The following ZNF503 variants were observed in gnomAD, a reference collection of about 807,000 sequenced individuals.
ZNF503 encodes NocA-like zinc finger 2.
Under a neutral mutation model 34.4 loss-of-function variants are expected in ZNF503, and 15 were observed. The ratio of observed to expected loss-of-function variants is 0.44; its 90% confidence interval spans 0.29 to 0.67. The LOEUF (loss-of-function observed/expected upper bound fraction) is 0.67. Among genes scored for constraint, ZNF503 ranks in the 30% least tolerant of loss-of-function variants. ZNF503 has a pLI of 0.13. For synonymous variants in ZNF503, 580 were observed against 456.8 expected, an observed-to-expected ratio of 1.27 and a Z score of -3.44; for missense variants, 1,007 against 926.8, an observed-to-expected ratio of 1.09 and a Z score of -1.12.
the ZNF503 span, among the ~76,000 whole-genome samples, chr10:75,280,709 A>G: frequency 6.6e-6 from 1 of 152,148 alleles, no homozygotes; most frequent in African/African-American, 2.4e-5. Flanking sequence ...GGTGCTTACA[A>G]TCTAGTGGGG....
the ZNF503 span, among the ~76,000 whole-genome samples, chr10:75,391,657 C>T: frequency 6.6e-6 from 1 of 152,204 alleles, no homozygotes; most frequent in Admixed American, 6.5e-5. Context: ...GCTACTTTTT[C>T]TCCTACCCTC....
the ZNF503 span, among the ~76,000 whole-genome samples, chr10:75,297,974 CATACCGTAAAAT>C: frequency 0.012 from 1,904 of 152,340 alleles, 42 homozygotes; most frequent in African/African-American, 0.044. Context: ...GTGAAACCTA[CATACCGTAAAAT>C]CATCCATTAT....
At chr10:75,322,923 A>G in the ZNF503 span, among the ~76,000 whole-genome samples, 2 of 152,020 alleles carry the variant, frequency 1.3e-5, no homozygotes, top group Non-Finnish European at 2.9e-5. Flanking sequence ...ATCCTGGTCG[A>G]TTTTTCAAAA....
At chr10:75,391,643 C>G in the ZNF503 span, among the ~76,000 whole-genome samples, 1 of 152,190 alleles carries the variant, frequency 6.6e-6, no homozygotes, top group African/African-American at 2.4e-5. Flanking sequence ...CCTCTAAGGC[C>G]ACTGCTACTT....
chr10:75,401,492 C>G lies in ZNF503; in HGVS notation c.-73G>C. ...CGCGGGGCGGGCTCGGGGCTGCGCG[C>G]TCGCCCCGGGAGCAGGAGCAGCGGG... On this transcript the variant is annotated 5_prime_UTR_variant, in exon 1 of 2. Transcript: ENST00000372524. The G allele has an allele frequency of 6.8e-7, 1 of 1,466,532 alleles. No homozygotes were observed. Among genetic ancestry groups the G allele is most frequent in the Non-Finnish European group, 9.0e-7 (1 of 1,113,916 alleles). The allele number at this position is 1,466,532 out of a possible 1,614,324, so 90.8% of individuals were successfully genotyped here. A position where few individuals can be genotyped will look rare whatever the true frequency, so the allele number is the denominator to read the frequency against.
the ZNF503 span, among the ~76,000 whole-genome samples, chr10:75,325,119 G>C: frequency 6.6e-6 from 1 of 152,076 alleles, no homozygotes; most frequent in Admixed American, 6.6e-5. Context: ...ATCTAGGAGT[G>C]TTGAGTTAAT....
the ZNF503 span, among the ~76,000 whole-genome samples, chr10:75,372,541 C>A: frequency 6.6e-6 from 1 of 152,212 alleles, no homozygotes; most frequent in African/African-American, 2.4e-5. Flanking sequence ...CGACTGTACC[C>A]CTAGGCTCAG....
chr10:75,398,547 T>G lies in ZNF503; in HGVS notation c.*202A>C. 1 of 415,082 alleles carries G rather than the reference T, an allele frequency of 2.4e-6. No homozygotes were observed. The highest frequency in any genetic ancestry group is 4.1e-6 in the Non-Finnish European group (1 of 242,798). The allele number at this position is 415,082 out of a possible 1,614,324, so 25.7% of individuals were successfully genotyped here. ...CTTTTATAAAGTTTGGGTGGGGAGG[T>G]GAAAGTGGGGAGAAGGGGAGTGTCC... is the stretch of plus-strand genomic sequence containing the variant. On this transcript the variant is annotated 3_prime_UTR_variant, in exon 2 of 2. Coordinates refer to ENST00000372524, the MANE Select transcript of ZNF503 (RefSeq NM_032772.6).
At chr10:75,385,427 G>A in the ZNF503 span, among the ~76,000 whole-genome samples, 1 of 152,226 alleles carries the variant, frequency 6.6e-6, no homozygotes, top group Non-Finnish European at 1.5e-5. Context: ...GGCTCATCTT[G>A]CTCCACTCCA....
At chr10:75,322,441 T>A in the ZNF503 span, among the ~76,000 whole-genome samples, 1 of 152,102 alleles carries the variant, frequency 6.6e-6, no homozygotes, top group South Asian at 2.1e-4. Context: ...TTTTTTATGC[T>A]TTCGTGTATA....
At chr10:75,341,437 T>C in the ZNF503 span, among the ~76,000 whole-genome samples, 1 of 152,264 alleles carries the variant, frequency 6.6e-6, no homozygotes, top group African/African-American at 2.4e-5. Flanking sequence ...ACTTGTCTCT[T>C]TTTTTTGCTG....
the ZNF503 span, among the ~76,000 whole-genome samples, chr10:75,290,773 C>T: frequency 1.3e-5 from 2 of 152,150 alleles, no homozygotes; most frequent in Non-Finnish European, 2.9e-5. Context: ...CTGAGGCTGC[C>T]AAAGTCGTTG....
the ZNF503 span, among the ~76,000 whole-genome samples, chr10:75,295,009 TTCA>T: frequency 5.9e-5 from 9 of 152,096 alleles, no homozygotes; most frequent in Admixed American, 1.3e-4. This position sits in a 1 kb window ranked among gnomAD's most constrained non-coding sequence, Gnocchi z 4.0. Context: ...CTACGGGTCA[TTCA>T]TCATCCCCAT....
chr10:75,280,948 G>A, the ZNF503 span, among the ~76,000 whole-genome samples: 6 of 152,128 alleles, frequency 3.9e-5, no homozygotes, highest in African/African-American at 1.2e-4. Flanking sequence ...GGGCGAGAGC[G>A]GCTGCTTCAG....
At chr10:75,400,397 G>C in intron 1 of ZNF503, 23 bp from the exon 2 acceptor site, 2 of 1,588,554 alleles carry the variant, frequency 1.3e-6, no homozygotes, top group Non-Finnish European at 8.6e-7. Flanking sequence ...ACGATGGGGG[G>C]GGAGCGTCAC....
chr10:75,396,776 C>T (rs1036392257), downstream of ZNF503, among the ~76,000 whole-genome samples: 1 of 152,124 alleles, frequency 6.6e-6, no homozygotes, highest in Non-Finnish European at 1.5e-5. The surrounding 1 kb of genome is among the most constrained non-coding windows in gnomAD (Gnocchi z 4.4). Flanking sequence ...CCCAACTAGC[C>T]GGAGGACCTG....
chr10:75,382,743 A>G, the ZNF503 span: 2 of 341,498 alleles, frequency 5.9e-6, no homozygotes, highest in Non-Finnish European at 1.2e-5. Context: ...AAAGCTGTAT[A>G]TTATCTGGTT....
Position 75,398,995 on chromosome 10 carries a change from G to A in ZNF503, c.1695C>T (p.Ala565=), listed in dbSNP as rs779281417. Residue 565 remains alanine, a synonymous_variant, in exon 2 of 2, where the codon GCC becomes GCT. Transcript: ENST00000372524. ...YPSSSSLASA[A]AAAMACHMHI... is the part of the protein sequence containing the mutation. ...GCATGTGGCAAGCCATGGCGGCCGC[G>A]GCAGCGCTGGCCAGAGACGACGAGC... 2.1e-5 allele frequency: 33 copies of A among 1,606,790 alleles called. No homozygotes were observed. The highest frequency in any genetic ancestry group is 2.8e-5 in the Non-Finnish European group (33 of 1,179,358).
chr10:75,336,301 T>A, the ZNF503 span, among the ~76,000 whole-genome samples: 1 of 151,764 alleles, frequency 6.6e-6, no homozygotes. Flanking sequence ...CCAAATTACA[T>A]GTTCCAATGG....
Sources: allele counts gnomAD v4.1 joint callset (sites outside exome capture counted in the v4.1 genomes callset), GRCh38; gene constraint gnomAD v4.1.1; non-coding constraint Gnocchi (gnomAD v3.1); transcripts MANE v1.5; gene names NCBI Gene and HGNC (gene_info 2026-07-23, HGNC 2026-07-21).